Variants in KIAA1328 observed in about 807,000 individuals in gnomAD.
KIAA1328 encodes protein hinderin.
In KIAA1328, 52 loss-of-function variants were observed where a neutral mutation model predicts 68.1. That is an observed-to-expected ratio of 0.76 (90% CI 0.61 to 0.96). KIAA1328 has a LOEUF of 0.96. Among genes scored for constraint, KIAA1328 ranks in the 40% least tolerant of loss-of-function variants. KIAA1328 has a pLI of 0.00. For missense variants in KIAA1328, 641 were observed against 677.6 expected (o/e 0.95, Z 0.60); for synonymous variants, 232 against 239.4 (o/e 0.97, Z 0.28).
chr18:37,211,583 A>T (rs985213989), intron 9 of KIAA1328, among the ~76,000 whole-genome samples: 2 of 152,206 alleles, frequency 1.3e-5, no homozygotes, highest in Non-Finnish European at 2.9e-5. Context: ...GCCTGGACCT[A>T]GTTTAAGTGT....
At chr18:36,918,292 G>A in intron 5 of KIAA1328, among the ~76,000 whole-genome samples, 1 of 149,990 alleles carries the variant, frequency 6.7e-6, no homozygotes. Context: ...CTTCATGTTT[G>A]TTTTTTATTT....
chr18:36,859,836 C>T lies in KIAA1328; in HGVS notation c.332+15534C>T, dbSNP rs546776011. On this transcript the variant is annotated intron_variant, in intron 4 of 9. Coordinates refer to ENST00000280020, the MANE Select transcript of KIAA1328 (RefSeq NM_020776.3). ...GTGAGTTGAATTTATTCTATCTTTA[C>T]TGTCCATTTTTTTTTTTACAGGAGT... Among the ~76,000 whole-genome samples the T allele has an allele frequency of 9.8e-4, 144 of 146,622 alleles. 1 individual carries two copies. The highest frequency in any genetic ancestry group is 3.1e-3 in the African/African-American group (126 of 40,242).
At chr18:37,135,093 G>A (rs1285963538) in intron 7 of KIAA1328, among the ~76,000 whole-genome samples, 1 of 152,084 alleles carries the variant, frequency 6.6e-6, no homozygotes, top group Non-Finnish European at 1.5e-5. Context: ...CCTTTGTCCA[G>A]TATACCACTG....
At chr18:37,004,503 A>G (rs1247448287) in intron 6 of KIAA1328, among the ~76,000 whole-genome samples, 1 of 152,144 alleles carries the variant, frequency 6.6e-6, no homozygotes, top group Non-Finnish European at 1.5e-5. Context: ...AACATATGAA[A>G]AAATGTTCAA....
At chr18:37,101,942 C>T (rs2057631145) in intron 7 of KIAA1328, among the ~76,000 whole-genome samples, 1 of 152,144 alleles carries the variant, frequency 6.6e-6, no homozygotes, top group African/African-American at 2.4e-5. Context: ...GGAGAAAAAA[C>T]ACCAATTCTT....
At chr18:36,951,395 G>A (rs1160468927) in intron 5 of KIAA1328, among the ~76,000 whole-genome samples, 1 of 151,970 alleles carries the variant, frequency 6.6e-6, no homozygotes, top group Non-Finnish European at 1.5e-5. Flanking sequence ...CACTTATGTA[G>A]GCTAAGGAAT....
intron 9 of KIAA1328, among the ~76,000 whole-genome samples, chr18:37,202,993 A>G (rs1005184916): frequency 2.6e-5 from 4 of 151,942 alleles, no homozygotes; most frequent in African/African-American, 4.8e-5. Flanking sequence ...AGTTTTCCCA[A>G]CAATCAAAGA....
chr18:36,996,198 T>C (rs1439452419), intron 6 of KIAA1328, among the ~76,000 whole-genome samples: 2 of 152,208 alleles, frequency 1.3e-5, no homozygotes, highest in Non-Finnish European at 2.9e-5. Flanking sequence ...ATAATTATTT[T>C]AATAACATCA....
intron 6 of KIAA1328, among the ~76,000 whole-genome samples, chr18:36,989,957 T>C (rs2053107669): frequency 6.6e-6 from 1 of 152,188 alleles, no homozygotes; most frequent in African/African-American, 2.4e-5. Context: ...CCTCCCAAAG[T>C]GCTGGGAGTA....
At chr18:36,881,694 A>G (rs1314707538) in intron 4 of KIAA1328, among the ~76,000 whole-genome samples, 1 of 152,174 alleles carries the variant, frequency 6.6e-6, no homozygotes, top group East Asian at 1.9e-4. Flanking sequence ...ATCTCATAAA[A>G]ATGGAATCAT....
downstream of KIAA1328, among the ~76,000 whole-genome samples, chr18:37,229,022 C>A (rs149633376): frequency 7.0e-4 from 107 of 152,272 alleles, no homozygotes; most frequent in Non-Finnish European, 7.4e-4. Flanking sequence ...ATTTGTGTGA[C>A]TCCCTTTGTT....
chr18:37,118,335 G>A (rs984804556), intron 7 of KIAA1328, among the ~76,000 whole-genome samples: 2 of 152,044 alleles, frequency 1.3e-5, no homozygotes, highest in East Asian at 3.9e-4. Context: ...TATTCCCTTT[G>A]CCATCAGCAA....
chr18:37,062,551 G>C (rs2056191933), intron 6 of KIAA1328, among the ~76,000 whole-genome samples: 1 of 151,780 alleles, frequency 6.6e-6, no homozygotes, highest in African/African-American at 2.4e-5. Flanking sequence ...CGCCTCCTGG[G>C]TTCACGCCAT....
At chr18:36,986,384 G>T (rs1402125673) in intron 6 of KIAA1328, among the ~76,000 whole-genome samples, 19 of 150,788 alleles carry the variant, frequency 1.3e-4, no homozygotes, top group African/African-American at 4.6e-4. Context: ...AAAAACCCTA[G>T]AAGAAAACCT....
At chr18:37,102,014 A>G (rs111293128) in intron 7 of KIAA1328, among the ~76,000 whole-genome samples, 271 of 152,370 alleles carry the variant, frequency 1.8e-3, no homozygotes, top group Non-Finnish European at 2.9e-3. Flanking sequence ...CTATGAGGCC[A>G]GTATTACTGA....
intron 7 of KIAA1328, among the ~76,000 whole-genome samples, chr18:37,075,949 C>A (rs576137116): frequency 4.6e-5 from 7 of 152,058 alleles, no homozygotes; most frequent in Admixed American, 6.5e-5. Context: ...ACAAGGATAC[C>A]CAGGAATTGA....
chr18:36,971,089 G>C (rs2052185770), intron 6 of KIAA1328, among the ~76,000 whole-genome samples: 2 of 152,146 alleles, frequency 1.3e-5, no homozygotes, highest in Non-Finnish European at 2.9e-5. Flanking sequence ...CATGGTACTG[G>C]TACCAAAGCA....
intron 1 of KIAA1328, chr18:36,829,527 G>A (rs2046386628): frequency 3.0e-6 from 3 of 1,000,480 alleles, no homozygotes; most frequent in Non-Finnish European, 3.7e-6. Flanking sequence ...CTGTCAGAGT[G>A]CCCCCAGGCT....
intron 6 of KIAA1328, among the ~76,000 whole-genome samples, chr18:36,994,069 T>C (rs936335859): frequency 6.6e-6 from 1 of 152,004 alleles, no homozygotes; most frequent in Non-Finnish European, 1.5e-5. Context: ...ACATCTAGGA[T>C]AGACTTAGGA....
Sources: gnomAD v4.1 joint callset for allele counts (sites outside exome capture counted in the v4.1 genomes callset) on GRCh38, gnomAD v4.1.1 for gene constraint, MANE v1.5 for transcripts, NCBI Gene and HGNC (gene_info 2026-07-23, HGNC 2026-07-21) for gene names.